CEP162: variants seen among roughly 807,000 people sequenced by gnomAD.
The protein encoded by CEP162 is centrosomal protein of 162 kDa.
A neutral mutation model predicts 169.2 loss-of-function variants in CEP162; 141 were observed. The observed-to-expected ratio is 0.83, with a 90% CI of 0.73 to 0.96. The LOEUF is 0.96. CEP162 is among the 40% of genes least tolerant of loss of function. The pLI is 0.00. For synonymous variants in CEP162, 540 were observed against 526.4 expected, an observed-to-expected ratio of 1.03 and a Z score of -0.35; for missense variants, 1,600 against 1,587.2, an observed-to-expected ratio of 1.01 and a Z score of -0.14.
At chr6:84,200,175 G>A (rs1419899272) in intron 9 of CEP162, among the ~76,000 whole-genome samples, 1 of 152,170 alleles carries the variant, frequency 6.6e-6, no homozygotes, top group East Asian at 1.9e-4. Context: ...GCATGAACCT[G>A]GGAGATGGAG....
intron 6 of CEP162, among the ~76,000 whole-genome samples, chr6:84,210,692 C>G (rs1588881535): frequency 6.6e-6 from 1 of 152,136 alleles, no homozygotes; most frequent in South Asian, 2.1e-4. Context: ...GAATACTAAG[C>G]TGTTAATGCA....
chr6:84,183,143 TTAA>T (rs2099535643), intron 13 of CEP162, among the ~76,000 whole-genome samples: 1 of 152,172 alleles, frequency 6.6e-6, no homozygotes, highest in Non-Finnish European at 1.5e-5. Flanking sequence ...ACTATAAATT[TTAA>T]TAATGTGTTT....
chr6:84,204,088 T>C lies in CEP162; in HGVS notation c.580A>G (p.Ser194Gly). Residue 194 changes from serine (S) to glycine (G), a missense_variant, in exon 7 of 27, where the codon AGT becomes GGT. Physicochemically the swap from Ser to Gly is moderately conservative, Grantham distance 56 (BLOSUM62 0). Transcript: ENST00000403245. ...SKHEELAENY[S>G]DDFEDEYVGA... ...ACATACTCATCTTCAAAATCATCAC[T>C]GTAATTTTCTGAAGAAAGTAATTTT... 6.3e-7 allele frequency: 1 copy of C among 1,577,492 alleles called. No homozygotes were observed. The highest frequency in any genetic ancestry group is 8.6e-7 in the Non-Finnish European group (1 of 1,157,974).
intron 6 of CEP162, among the ~76,000 whole-genome samples, chr6:84,212,531 A>T (rs1019825413): frequency 8.5e-5 from 13 of 152,058 alleles, no homozygotes; most frequent in Non-Finnish European, 4.4e-5. Context: ...AAAAAAATAC[A>T]ACAAAGAAGA....
chr6:84,159,135 A>G (rs1386777509), intron 21 of CEP162, among the ~76,000 whole-genome samples: 1 of 151,750 alleles, frequency 6.6e-6, no homozygotes, highest in African/African-American at 2.4e-5. Flanking sequence ...TGATTAAAAA[A>G]TATGTATTAA....
chr6:84,157,882 T>C (rs540839377), intron 21 of CEP162, among the ~76,000 whole-genome samples: 1 of 152,218 alleles, frequency 6.6e-6, no homozygotes, highest in African/African-American at 2.4e-5. Context: ...TCTACTCCAC[T>C]CCAATCCTCT....
intron 16 of CEP162, among the ~76,000 whole-genome samples, chr6:84,172,817 CAAAAG>C (rs539026741): frequency 4.0e-5 from 6 of 151,704 alleles, no homozygotes; most frequent in Non-Finnish European, 8.8e-5. Context: ...TTACAGTTGT[CAAAAG>C]AGAAGAATGT....
At position 84,215,701 on chromosome 6, in the gene CEP162, A is replaced by G; in HGVS notation, c.319+75T>C. 8 of 1,498,684 alleles carry G rather than the reference A, an allele frequency of 5.3e-6. 1 individual carries two copies. The highest frequency in any genetic ancestry group is 2.3e-4 in the Middle Eastern group (1 of 4,418). 92.8% of individuals were successfully genotyped at this position (1,498,684 alleles called of 1,614,324 possible). ...TACATGCTTCAGTAAAGGAGGCTTC[A>G]AGATAATTTTTGTAATTCTGAATAT... On this transcript the variant is annotated intron_variant, in intron 4 of 26. Transcript: ENST00000403245.
intron 23 of CEP162, among the ~76,000 whole-genome samples, chr6:84,150,147 CTAG>C (rs1322214580): frequency 1.3e-5 from 2 of 152,056 alleles, no homozygotes; most frequent in African/African-American, 4.8e-5. Flanking sequence ...GACTCCAGGG[CTAG>C]TTGCATATTG....
At position 84,186,965 on chromosome 6, in the gene CEP162, A is replaced by G. The variant is rs567723985; in HGVS notation, c.1110-342T>C. On this transcript the variant is annotated intron_variant, in intron 11 of 26. Coordinates refer to ENST00000403245, the MANE Select transcript of CEP162 (RefSeq NM_014895.4). ...AATTTCTAAGTGAACTTTTTGTAAT[A>G]TATCTTTTATCTACAATTTCTTATA... Among the ~76,000 whole-genome samples, 135 of 152,330 alleles carry G rather than the reference A, an allele frequency of 8.9e-4. 1 individual carries two copies. The highest frequency in any genetic ancestry group is 1.2e-3 in the Non-Finnish European group (81 of 68,016).
At chr6:84,182,107 T>A (rs2099535118) in intron 13 of CEP162, among the ~76,000 whole-genome samples, 1 of 152,048 alleles carries the variant, frequency 6.6e-6, no homozygotes, top group Non-Finnish European at 1.5e-5. Context: ...TGTAATCTCA[T>A]TCTTATAAAA....
chr6:84,203,553 T>C (rs950345705), intron 7 of CEP162, among the ~76,000 whole-genome samples: 26 of 152,262 alleles, frequency 1.7e-4, no homozygotes, highest in Admixed American at 5.2e-4. Flanking sequence ...CAAGTGATCC[T>C]CCCACCTCAG....
At position 84,165,842 on chromosome 6, in the gene CEP162, G is replaced by A. The variant is rs75289322; in HGVS notation, c.2386-2572C>T. On this transcript the variant is annotated intron_variant, in intron 18 of 26. Coordinates refer to ENST00000403245, the MANE Select transcript of CEP162 (RefSeq NM_014895.4). The stretch of plus-strand genomic sequence containing the variant: ...TATAATCTTAGTTTCTAGCTGCATC[G>A]CAGATTTAACTGCATCATTTCATTG... 5.9e-3 allele frequency among the ~76,000 whole-genome samples: 891 copies of A among 152,218 alleles called. 6 individuals are homozygous for A. The highest frequency in any genetic ancestry group is 0.038 in the East Asian group (194 of 5,172).
intron 22 of CEP162, among the ~76,000 whole-genome samples, chr6:84,153,950 A>G (rs1410261526): frequency 6.6e-6 from 1 of 152,168 alleles, no homozygotes. Context: ...GCTTGACAGA[A>G]GGTGGGAAGA....
intron 25 of CEP162, among the ~76,000 whole-genome samples, chr6:84,131,256 A>G (rs1054258146): frequency 2.6e-5 from 4 of 152,158 alleles, no homozygotes; most frequent in Non-Finnish European, 5.9e-5. Context: ...GCATTTGCTG[A>G]GGAGTGTTTT....
chr6:84,134,204 C>T (rs577406604), intron 25 of CEP162, among the ~76,000 whole-genome samples: 28 of 152,270 alleles, frequency 1.8e-4, no homozygotes, highest in African/African-American at 6.3e-4. Context: ...GGATGCCACT[C>T]CCCCCACCAA....
At chr6:84,218,442 A>G (rs1392135769) in intron 3 of CEP162, among the ~76,000 whole-genome samples, 1 of 152,256 alleles carries the variant, frequency 6.6e-6, no homozygotes, top group Non-Finnish European at 1.5e-5. Flanking sequence ...AAAGCTATAC[A>G]GTATCAAAAT....
At chr6:84,149,325 T>A (rs1201869536) in intron 24 of CEP162, among the ~76,000 whole-genome samples, 1 of 152,016 alleles carries the variant, frequency 6.6e-6, no homozygotes, top group East Asian at 1.9e-4. Context: ...AAATATTTAT[T>A]TATATGGTGT....
At chr6:84,197,830 A>C (rs867029870) in intron 9 of CEP162, among the ~76,000 whole-genome samples, 25 of 142,466 alleles carry the variant, frequency 1.8e-4, no homozygotes, top group African/African-American at 2.4e-4. Context: ...CAAAACAAAA[A>C]AAAAAAAAAA....
Sources: allele counts gnomAD v4.1 joint callset (sites outside exome capture counted in the v4.1 genomes callset), GRCh38; gene constraint gnomAD v4.1.1; transcripts MANE v1.5; gene names NCBI Gene and HGNC (gene_info 2026-07-23, HGNC 2026-07-21).